Variants in RANBP2 observed in about 807,000 individuals in gnomAD.
RANBP2 encodes E3 SUMO-protein ligase RanBP2.
In RANBP2, 57 loss-of-function variants were observed where a neutral mutation model predicts 303.6. The observed-to-expected ratio is 0.19, with a 90% CI of 0.15 to 0.23. RANBP2 has a LOEUF of 0.23. RANBP2 is among the 10% of genes least tolerant of loss of function. RANBP2 has a pLI of 1.00. For synonymous variants in RANBP2, 1,167 were observed against 1,301.5 expected (o/e 0.90, Z 2.23); for missense variants, 3,138 against 3,780.8 (o/e 0.83, Z 4.46).
chr2:109,608,919 G>A, the RANBP2 span, among the ~76,000 whole-genome samples: 2 of 152,200 alleles, frequency 1.3e-5, no homozygotes, highest in South Asian at 4.1e-4. Flanking sequence ...CTAAAGCAGA[G>A]ATAAATCACA....
At chr2:109,600,295 T>G in the RANBP2 span, among the ~76,000 whole-genome samples, 1 of 152,054 alleles carries the variant, frequency 6.6e-6, no homozygotes, top group Non-Finnish European at 1.5e-5. Flanking sequence ...CTCTTCAACT[T>G]TCACAGGCAA....
At chr2:109,369,181 TAA>T in the RANBP2 span, among the ~76,000 whole-genome samples, 4 of 138,218 alleles carry the variant, frequency 2.9e-5, no homozygotes, top group Admixed American at 7.2e-5. Flanking sequence ...CGTCTCTTCT[TAA>T]AAAAAAAAAA....
the RANBP2 span, chr2:108,856,986 C>G: frequency 7.8e-7 from 1 of 1,283,110 alleles, no homozygotes; most frequent in Non-Finnish European, 1.0e-6. Flanking sequence ...TTTTTAAGTT[C>G]TATATGTGTA....
the RANBP2 span, among the ~76,000 whole-genome samples, chr2:109,582,110 A>ACACT: frequency 0.053 from 7,102 of 134,898 alleles, 208 homozygotes; most frequent in Middle Eastern, 0.085. Context: ...ACACACACAC[A>ACACT]CACTCACTCT....
At chr2:109,417,166 A>C in the RANBP2 span, among the ~76,000 whole-genome samples, 67 of 152,166 alleles carry the variant, frequency 4.4e-4, no homozygotes, top group Non-Finnish European at 3.8e-4. Context: ...ACAGTGGAGA[A>C]AGCATCCTCT....
chr2:109,406,059 C>T, the RANBP2 span, among the ~76,000 whole-genome samples: 1 of 152,206 alleles, frequency 6.6e-6, no homozygotes, highest in Admixed American at 6.5e-5. Flanking sequence ...CTGAAGGTGT[C>T]CAGGGCGTGC....
chr2:109,109,808 T>G, the RANBP2 span, among the ~76,000 whole-genome samples: 1 of 152,206 alleles, frequency 6.6e-6, no homozygotes, highest in Non-Finnish European at 1.5e-5. Flanking sequence ...TTCATGAAGA[T>G]AGTAGTCTTG....
chr2:109,331,998 C>T, the RANBP2 span, among the ~76,000 whole-genome samples: 31 of 152,282 alleles, frequency 2.0e-4, no homozygotes, highest in Admixed American at 1.4e-3. Flanking sequence ...GTCGTGGATG[C>T]CGGCTGAGCC....
At chr2:109,160,786 G>A in the RANBP2 span, among the ~76,000 whole-genome samples, 2 of 152,188 alleles carry the variant, frequency 1.3e-5, no homozygotes, top group African/African-American at 4.8e-5. Context: ...ACATCCCCAG[G>A]GGCTGAGGCG....
At chr2:109,613,705 C>CGGGCCGGACCAGG in the RANBP2 span, 1 of 877,658 alleles carries the variant, frequency 1.1e-6, no homozygotes, top group East Asian at 3.6e-5. Flanking sequence ...GTCACAATCC[C>CGGGCCGGACCAGG]GGGCCGGACC....
the RANBP2 span, among the ~76,000 whole-genome samples, chr2:109,275,226 G>A: frequency 2.0e-4 from 30 of 152,166 alleles, no homozygotes; most frequent in Admixed American, 1.8e-3. Context: ...GTGAGGCCCC[G>A]CAGAGGCTGC....
In RANBP2 at chr2:108,782,647, G is replaced by A; in HGVS notation, c.9154G>A (p.Val3052Ile). 1 of 1,614,216 alleles carries A rather than the reference G, an allele frequency of 6.2e-7. No homozygotes were observed. Among genetic ancestry groups the A allele is most frequent in the South Asian group, 1.1e-5 (1 of 91,084 alleles). ...TTTAATGAAACTCCAGAAAGGACAT[G>A]TATCACTGGCAGCAGAATTATCAAA... ...QNLMKLQKGH[V>I]SLAAELSKET... Residue 3052 changes from valine (V) to isoleucine (I), a missense_variant, in exon 28 of 29, where the codon GTA becomes ATA. Physicochemically the swap from Val to Ile is conservative, Grantham distance 29. Around this residue, in one of 20 missense-constraint regions of RANBP2, gnomAD observed 204 missense variants for 228.4 expected, o/e 0.89. Transcript: ENST00000283195.
chr2:109,488,460 G>A, the RANBP2 span, among the ~76,000 whole-genome samples: 1 of 152,186 alleles, frequency 6.6e-6, no homozygotes, highest in African/African-American at 2.4e-5. Context: ...CCTGGCCTGC[G>A]GAGGGGCTGA....
At chr2:109,074,328 A>G in the RANBP2 span, among the ~76,000 whole-genome samples, 1 of 150,442 alleles carries the variant, frequency 6.6e-6, no homozygotes, top group East Asian at 1.9e-4. Flanking sequence ...AGATTGTACC[A>G]CTGCACTCCA....
At chr2:109,389,942 T>C in the RANBP2 span, among the ~76,000 whole-genome samples, 1 of 152,164 alleles carries the variant, frequency 6.6e-6, no homozygotes, top group Non-Finnish European at 1.5e-5. Flanking sequence ...TGCCAGCCAC[T>C]CCTCTTGCTC....
the RANBP2 span, among the ~76,000 whole-genome samples, chr2:109,711,581 C>T: frequency 6.6e-6 from 1 of 152,198 alleles, no homozygotes; most frequent in African/African-American, 2.4e-5. Context: ...CTCTGTGCCC[C>T]CTCCTTCTAC....
chr2:109,345,434 A>G, the RANBP2 span, among the ~76,000 whole-genome samples: 2 of 152,142 alleles, frequency 1.3e-5, no homozygotes, highest in South Asian at 2.1e-4. Flanking sequence ...GTTGTTACCA[A>G]TGGTAGCAAA....
At chr2:109,246,014 G>A in the RANBP2 span, among the ~76,000 whole-genome samples, 2 of 152,222 alleles carry the variant, frequency 1.3e-5, no homozygotes, top group African/African-American at 4.8e-5. Flanking sequence ...AACAAAAAAA[G>A]AGCATGGATT....
At chr2:109,494,812 T>A in the RANBP2 span, among the ~76,000 whole-genome samples, 1 of 152,084 alleles carries the variant, frequency 6.6e-6, no homozygotes. Flanking sequence ...GTGCCCAGAC[T>A]CCTCCAGATC....
Sources: gnomAD v4.1 joint callset for allele counts (sites outside exome capture counted in the v4.1 genomes callset) on GRCh38, gnomAD v4.1.1 for gene constraint, gnomAD v4.1.1 regional missense constraint, MANE v1.5 for transcripts, NCBI Gene and HGNC (gene_info 2026-07-23, HGNC 2026-07-21) for gene names.